The following NCALD variants were observed in gnomAD, a reference collection of about 807,000 sequenced individuals.
NCALD encodes the protein neurocalcin delta.
NCALD carries 10 observed loss-of-function variants against 18.6 expected under a neutral mutation model. The ratio of observed to expected loss-of-function variants is 0.54; its 90% CI spans 0.33 to 0.91. NCALD has a LOEUF of 0.91. NCALD is among the 40% of genes least tolerant of loss of function. The pLI is 0.03. For synonymous variants in NCALD, 88 were observed against 87.4 expected, an observed-to-expected ratio of 1.01 and a Z score of -0.04; for missense variants, 184 against 247.6, an observed-to-expected ratio of 0.74 and a Z score of 1.72.
intron 1 of NCALD, among the ~76,000 whole-genome samples, chr8:102,081,088 T>C (rs1824511634): frequency 6.6e-6 from 1 of 152,182 alleles, no homozygotes; most frequent in African/African-American, 2.4e-5. Context: ...GGGAGGTGGC[T>C]TTGTATAAGT....
At chr8:101,740,652 C>A (rs1216005137) in intron 1 of NCALD, among the ~76,000 whole-genome samples, 1 of 152,140 alleles carries the variant, frequency 6.6e-6, no homozygotes, top group African/African-American at 2.4e-5. Flanking sequence ...GAAGCTTAAT[C>A]TAAAGAGAGG....
At chr8:102,070,069 GCA>G (rs1274573631) in intron 1 of NCALD, 7 of 151,468 alleles carry the variant, frequency 4.6e-5, no homozygotes, top group African/African-American at 1.7e-4. Flanking sequence ...AGCCAATATG[GCA>G]CCACTGCACT....
chr8:102,078,060 GAATTT>G (rs1212603701), intron 1 of NCALD, among the ~76,000 whole-genome samples: 1 of 152,110 alleles, frequency 6.6e-6, no homozygotes, highest in Non-Finnish European at 1.5e-5. Flanking sequence ...TCCAAAACAT[GAATTT>G]ATTTTCTCTC....
intron 1 of NCALD, among the ~76,000 whole-genome samples, chr8:102,032,943 G>A (rs1269776033): frequency 6.6e-6 from 1 of 152,092 alleles, no homozygotes; most frequent in Non-Finnish European, 1.5e-5. Context: ...GAACAGCAGG[G>A]GCCAGCAATG....
intron 1 of NCALD, among the ~76,000 whole-genome samples, chr8:102,111,840 AC>A (rs1825650741): frequency 6.6e-6 from 1 of 152,176 alleles, no homozygotes; most frequent in Non-Finnish European, 1.5e-5. Flanking sequence ...ATACATCTTC[AC>A]AAAAATCTTT....
intron 1 of NCALD, among the ~76,000 whole-genome samples, chr8:102,050,444 T>G (rs910942911): frequency 1.3e-5 from 2 of 151,036 alleles, no homozygotes; most frequent in Middle Eastern, 3.4e-3. Flanking sequence ...GTGAAATAAC[T>G]ACCCATTATG....
chr8:101,749,090 C>G (rs929745849), intron 1 of NCALD, among the ~76,000 whole-genome samples: 2 of 152,204 alleles, frequency 1.3e-5, no homozygotes, highest in Non-Finnish European at 2.9e-5. Context: ...AAAACTCCTT[C>G]AACAAAACTT....
At chr8:101,999,166 T>C (rs1464378910) in intron 2 of NCALD, among the ~76,000 whole-genome samples, 1 of 150,556 alleles carries the variant, frequency 6.6e-6, no homozygotes, top group Non-Finnish European at 1.5e-5. Flanking sequence ...TAATATGAGC[T>C]CTTTAGAAGT....
intron 4 of NCALD, among the ~76,000 whole-genome samples, chr8:101,818,748 G>A (rs993075371): frequency 1.3e-5 from 2 of 152,174 alleles, no homozygotes; most frequent in Non-Finnish European, 1.5e-5. Flanking sequence ...GCTCATGCCT[G>A]TAATCCCAGC....
At chr8:101,770,605 T>C (rs1036904556) in intron 1 of NCALD, among the ~76,000 whole-genome samples, 10 of 152,074 alleles carry the variant, frequency 6.6e-5, no homozygotes, top group African/African-American at 2.4e-4. Context: ...TTAGAGCGAG[T>C]GGCTTGTCTG....
intron 4 of NCALD, among the ~76,000 whole-genome samples, chr8:101,812,028 A>T (rs982651363): frequency 1.3e-5 from 2 of 152,204 alleles, no homozygotes; most frequent in Non-Finnish European, 2.9e-5. Flanking sequence ...ATGGAGTGGG[A>T]TGGTTAATTT....
At chr8:102,003,297 C>T (rs1778838876) in intron 2 of NCALD, among the ~76,000 whole-genome samples, 1 of 152,200 alleles carries the variant, frequency 6.6e-6, no homozygotes, top group Non-Finnish European at 1.5e-5. Context: ...GGATAAATTC[C>T]TCGACATATA....
rs16868719 is a variant in NCALD, at chr8:101,910,318, C to T, written c.-107+5491G>A. On this transcript the variant is annotated intron_variant, in intron 3 of 6. Transcript: ENST00000311028. ...GACTTGAGGAAACAGTGTTTTGATC[C>T]GACATGAGAGGAGGAGGTATGAGGG... is the stretch of plus-strand genomic sequence containing the variant. 9.0e-3 allele frequency among the ~76,000 whole-genome samples: 1,278 copies of T among 141,560 alleles called. 22 individuals are homozygous for T. The highest frequency in any genetic ancestry group is 0.034 in the African/African-American group (1,210 of 35,914). 92.9% of individuals were successfully genotyped at this position (141,560 alleles called of 152,430 possible).
At position 101,809,834 on chromosome 8, in the gene NCALD, C is replaced by T. The variant is rs562141069; in HGVS notation, c.-20+77307G>A. Among the ~76,000 whole-genome samples the T allele has an allele frequency of 6.6e-5, 10 of 152,292 alleles. 1 individual carries two copies. The East Asian group carries it at 1.5e-3, about 24-fold the overall frequency. On this transcript the variant is annotated intron_variant, in intron 4 of 6. Transcript: ENST00000311028. ...TGCTGGGATTACAGGTGTGAACCACCGCACTTGGCCTGCTCTCTTTTTTTT... is the reference window on the plus strand; with the variant it reads ...TGCTGGGATTACAGGTGTGAACCACTGCACTTGGCCTGCTCTCTTTTTTTT...
At chr8:101,960,438 A>C (rs1819795260) in intron 2 of NCALD, among the ~76,000 whole-genome samples, 1 of 152,194 alleles carries the variant, frequency 6.6e-6, no homozygotes, top group Non-Finnish European at 1.5e-5. Flanking sequence ...AAATCAAAAA[A>C]TTTCATTTAA....
At chr8:101,780,136 A>G (rs1811952455) in intron 1 of NCALD, among the ~76,000 whole-genome samples, 2 of 152,154 alleles carry the variant, frequency 1.3e-5, no homozygotes, top group African/African-American at 4.8e-5. Context: ...TATTGATTCT[A>G]TACTTAAGTT....
At chr8:101,881,960 A>T (rs1011182676) in intron 4 of NCALD, among the ~76,000 whole-genome samples, 3 of 152,220 alleles carry the variant, frequency 2.0e-5, no homozygotes, top group Admixed American at 6.5e-5. Flanking sequence ...TCATTGATTA[A>T]GATGCACTAA....
chr8:101,734,101 G>A (rs1586343653), intron 1 of NCALD, among the ~76,000 whole-genome samples: 1 of 152,144 alleles, frequency 6.6e-6, no homozygotes, highest in African/African-American at 2.4e-5. Context: ...AGTGCCCCAG[G>A]AGCAGGGAGG....
At chr8:101,994,212 A>G (rs996110985) in intron 2 of NCALD, among the ~76,000 whole-genome samples, 2 of 152,190 alleles carry the variant, frequency 1.3e-5, no homozygotes, top group Non-Finnish European at 2.9e-5. Flanking sequence ...GTGACCATTC[A>G]GAGCCAAGGG....
Sources: gnomAD v4.1 joint callset for allele counts (sites outside exome capture counted in the v4.1 genomes callset) on GRCh38, gnomAD v4.1.1 for gene constraint, MANE v1.5 for transcripts, NCBI Gene and HGNC (gene_info 2026-07-23, HGNC 2026-07-21) for gene names.